GP2: variants seen among roughly 807,000 people sequenced by gnomAD.
GP2 encodes glycoprotein 2.
Under a neutral mutation model 60.8 loss-of-function variants are expected in GP2, and 58 were observed. The ratio of observed to expected loss-of-function variants is 0.95; its 90% CI spans 0.77 to 1.19. GP2 has a LOEUF of 1.19. GP2 is among the 50% of genes most tolerant of loss of function. GP2 has a pLI of 0.00. For synonymous variants in GP2, 280 were observed against 253.4 expected (o/e 1.10, Z -1.00); for missense variants, 647 against 667.4 (o/e 0.97, Z 0.34).
chr16:20,319,730 G>C lies in GP2; in HGVS notation c.897C>G (p.Ser299=). 1 of 1,612,448 alleles carries C rather than the reference G, an allele frequency of 6.2e-7. No individual in the cohort carries two copies. The highest frequency in any genetic ancestry group is 8.5e-7 in the Non-Finnish European group (1 of 1,178,480). Residue 299 remains serine (S), a synonymous_variant, in exon 6 of 11, where the codon TCC becomes TCG. Coordinates refer to ENST00000302555, the MANE Select transcript of GP2 (RefSeq NM_001502.4). ...QTHAIYKNTL[S]LVNDFIIRDT... is the part of the protein sequence containing the mutation. ...CTCTGATGATGAAATCATTGACCAA[G>C]GAGAGGGTGTTTTTGTAGATGGCAT...
chr16:20,315,667 C>A (rs959476839), intron 9 of GP2, among the ~76,000 whole-genome samples: 10 of 152,258 alleles, frequency 6.6e-5, no homozygotes, highest in African/African-American at 2.4e-4. Flanking sequence ...TTGGGCGAGT[C>A]ACTTAATCTC....
intron 7 of GP2, 143 bp from the exon 8 acceptor site, chr16:20,317,518 A>C: frequency 1.5e-6 from 1 of 648,882 alleles, no homozygotes. Flanking sequence ...ATAAGCGCAC[A>C]TGGCTTAAAT....
At chr16:20,319,238 T>G (rs1456987755) in intron 6 of GP2, among the ~76,000 whole-genome samples, 1 of 152,140 alleles carries the variant, frequency 6.6e-6, no homozygotes, top group African/African-American at 2.4e-5. Flanking sequence ...CACCCCACAT[T>G]TCTTTTACAT....
Position 20,309,724 on chromosome 16 carries a change from T to A in GP2, c.*1499A>T, listed in dbSNP as rs1963948321. ...AGAGGAACAGAAGGCAAGACAAACTTTGGTTTCTTTTGGCTTGCCAGGCCC... is the reference window on the plus strand; with the variant it reads ...AGAGGAACAGAAGGCAAGACAAACTATGGTTTCTTTTGGCTTGCCAGGCCC... On this transcript the variant is annotated 3_prime_UTR_variant, in exon 11 of 11. Coordinates refer to ENST00000302555, the MANE Select transcript of GP2 (RefSeq NM_001502.4). The A allele has an allele frequency of 6.7e-6, 1 of 149,206 alleles. No homozygotes were observed. Among genetic ancestry groups the A allele is most frequent in the African/African-American group, 2.6e-5 (1 of 38,776 alleles). 9.2% of individuals were successfully genotyped at this position (149,206 alleles called of 1,614,324 possible).
In GP2 at chr16:20,311,244, G is replaced by A; in HGVS notation, c.1584C>T (p.Val528=). The A allele has an allele frequency of 1.9e-6, 3 of 1,610,104 alleles. No individual in the cohort carries two copies. Among genetic ancestry groups the A allele is most frequent in the Non-Finnish European group, 2.6e-6 (3 of 1,176,452 alleles). Residue 528 remains valine (V), a synonymous_variant, in exon 11 of 11, where the codon GTC becomes GTT. Coordinates refer to ENST00000302555, the MANE Select transcript of GP2 (RefSeq NM_001502.4). ...GCTCTCAGAACAGCCAAGCCAGGAG[G>A]ACAGTCAGGAGGACCATAGGCCAGG... is the stretch of plus-strand genomic sequence containing the variant. ...LVAWPMVLLT[V]LLAWLF
chr16:20,318,118 G>A, intron 7 of GP2, 67 bp downstream of exon 7: 1 of 1,307,678 alleles, frequency 7.6e-7, no homozygotes, highest in Non-Finnish European at 1.1e-6. Flanking sequence ...TGCTGGGGAT[G>A]GATGAGATGA....
Position 20,311,174 on chromosome 16 carries a change from T to A in GP2, c.*49A>T. 8.5e-7 allele frequency: 1 copy of A among 1,178,166 alleles called. No homozygotes were observed. The highest frequency in any genetic ancestry group is 1.2e-5 in the South Asian group (1 of 82,236). 73.0% of individuals were successfully genotyped at this position (1,178,166 alleles called of 1,614,324 possible). A position where few individuals can be genotyped will look rare whatever the true frequency, so the allele number is the denominator to read the frequency against. On this transcript the variant is annotated 3_prime_UTR_variant, in exon 11 of 11. Coordinates refer to ENST00000302555, the MANE Select transcript of GP2 (RefSeq NM_001502.4). ...AAGCAGAAGTGCTGAAGGGAGCCAT[T>A]GCCAGAGGGAAGAACACAAACTTCA...
At chr16:20,311,745 C>T (rs1190130871) in intron 10 of GP2, among the ~76,000 whole-genome samples, 3 of 152,208 alleles carry the variant, frequency 2.0e-5, no homozygotes, top group African/African-American at 7.2e-5. Context: ...TGGAGCAGAA[C>T]TGCATCCCCT....
In GP2 at chr16:20,310,925, T is replaced by C; in HGVS notation, c.*298A>G. 1 of 220,898 alleles carries C rather than the reference T, an allele frequency of 4.5e-6. No individual in the cohort carries two copies. The highest frequency in any genetic ancestry group is 9.1e-6 in the Non-Finnish European group (1 of 109,424). 13.7% of individuals were successfully genotyped at this position (220,898 alleles called of 1,614,324 possible). A position where few individuals can be genotyped will look rare whatever the true frequency, so the allele number is the denominator to read the frequency against. ...GCGCCTGCCACCATGCCTGGCTAAT[T>C]TTTGTATTTTTAGTAGAGACGGAGT... On this transcript the variant is annotated 3_prime_UTR_variant, in exon 11 of 11. Transcript: ENST00000302555.
intron 8 of GP2, among the ~76,000 whole-genome samples, 199 bp downstream of exon 8, chr16:20,317,014 A>G (rs1489512799): frequency 2.5e-5 from 3 of 117,694 alleles, no homozygotes; most frequent in Non-Finnish European, 5.1e-5. Flanking sequence ...TCACCTTCCC[A>G]TTCCCTTCCC....
At chr16:20,323,110 A>C in intron 3 of GP2, 131 bp from the exon 4 acceptor site, 2 of 632,348 alleles carry the variant, frequency 3.2e-6, no homozygotes, top group South Asian at 3.7e-5. Flanking sequence ...TAGTGGAAGC[A>C]TCAAGCCTGA....
chr16:20,326,287 C>T, intron 2 of GP2, 51 bp downstream of exon 2: 4 of 1,578,742 alleles, frequency 2.5e-6, no homozygotes, highest in East Asian at 4.5e-5. Flanking sequence ...TCTATCCTCA[C>T]TTGCTAGGTC....
intron 7 of GP2, among the ~76,000 whole-genome samples, chr16:20,317,709 TC>T (rs1964229155): frequency 6.6e-6 from 1 of 152,204 alleles, no homozygotes; most frequent in South Asian, 2.1e-4. Flanking sequence ...AATCAGATAA[TC>T]CACATATTGC....
chr16:20,314,848 T>C (rs1208044288), intron 9 of GP2, 147 bp from the exon 10 acceptor site: 1 of 693,904 alleles, frequency 1.4e-6, no homozygotes, highest in Non-Finnish European at 2.7e-6. Context: ...ATCTAGAATC[T>C]GGCACAGGCA....
intron 4 of GP2, among the ~76,000 whole-genome samples, chr16:20,322,461 C>T (rs1297697610): frequency 6.6e-6 from 1 of 152,144 alleles, no homozygotes; most frequent in African/African-American, 2.4e-5. Flanking sequence ...ATTACCTTAT[C>T]CTCATTTTAC....
chr16:20,324,322 C>T (rs1487218288), intron 2 of GP2, 66 bp from the exon 3 acceptor site: 14 of 1,044,804 alleles, frequency 1.3e-5, no homozygotes, highest in Non-Finnish European at 1.7e-5. Flanking sequence ...ATTTTTTCCC[C>T]TCCATGCTCT....
rs1469076159 is a variant in GP2 at position 20,309,958 on chromosome 16, G to C, written c.*1265C>G. On this transcript the variant is annotated 3_prime_UTR_variant, in exon 11 of 11. Coordinates refer to ENST00000302555, the MANE Select transcript of GP2 (RefSeq NM_001502.4). ...CACCTGCTGGTCCACCTTGGTTCCT[G>C]ATGTGTCTCTGAGGCCAACTTTGCG... The C allele has an allele frequency of 1.3e-5, 2 of 152,178 alleles. No homozygotes were observed. The highest frequency in any genetic ancestry group is 3.9e-4 in the East Asian group (2 of 5,190). 9.4% of individuals were successfully genotyped at this position (152,178 alleles called of 1,614,324 possible). A position where few individuals can be genotyped will look rare whatever the true frequency, so the allele number is the denominator to read the frequency against.
chr16:20,321,253 G>A (rs1964349545), intron 4 of GP2, among the ~76,000 whole-genome samples: 1 of 151,816 alleles, frequency 6.6e-6, no homozygotes, highest in Non-Finnish European at 1.5e-5. Context: ...ATAAAGATGG[G>A]GTTTTGCCAT....
At chr16:20,313,267 C>CTG (rs940326336) in intron 10 of GP2, among the ~76,000 whole-genome samples, 1 of 151,748 alleles carries the variant, frequency 6.6e-6, no homozygotes, top group Non-Finnish European at 1.5e-5. Flanking sequence ...CTCTGTCTCT[C>CTG]TCTCTCTCTC....
Sources: gnomAD v4.1 joint callset for allele counts (sites outside exome capture counted in the v4.1 genomes callset) on GRCh38, gnomAD v4.1.1 for gene constraint, MANE v1.5 for transcripts, NCBI Gene and HGNC (gene_info 2026-07-23, HGNC 2026-07-21) for gene names.